The following ZCCHC17 variants were observed in gnomAD, a reference collection of about 807,000 sequenced individuals.
The protein encoded by ZCCHC17 is zinc finger CCHC-type containing 17.
ZCCHC17 carries 18 observed loss-of-function variants against 30.6 expected under a neutral mutation model. The ratio of observed to expected loss-of-function variants is 0.59; its 90% CI spans 0.41 to 0.87. ZCCHC17 has a LOEUF of 0.87. Ranked by LOEUF, ZCCHC17 falls within the 40% of genes least tolerant of loss-of-function variation. The pLI is 0.00. For synonymous variants in ZCCHC17, 88 were observed against 92.4 expected (o/e 0.95, Z 0.27); for missense variants, 263 against 284.2 (o/e 0.93, Z 0.54).
Position 31,338,996 on chromosome 1 carries a change from G to A in ZCCHC17, c.265G>A (p.Val89Ile), listed in dbSNP as rs144515936. The A allele has an allele frequency of 2.5e-6, 4 of 1,612,712 alleles. No individual in the cohort carries two copies. The highest frequency in any genetic ancestry group is 3.4e-6 in the Non-Finnish European group (4 of 1,179,688). The change falls in exon 5 of 8, where the codon GTT (valine) becomes ATT (isoleucine). Residue 89 changes from valine (V) to isoleucine (I), a missense_variant. Val to Ile is a conservative substitution (Grantham distance 29, BLOSUM62 3). Coordinates refer to ENST00000344147, the MANE Select transcript of ZCCHC17 (RefSeq NM_016505.4). ...DRIKVSLSMK[V>I]VNQGTGKDLD... ...AATAAAAGTATCCCTCTCCATGAAG[G>A]TTGTCAATCAAGGGACTGGGAAAGA... is the stretch of plus-strand genomic sequence containing the variant.
chr1:31,304,386 T>C (rs565266792), intron 1 of ZCCHC17, among the ~76,000 whole-genome samples: 1 of 151,802 alleles, frequency 6.6e-6, no homozygotes, highest in Non-Finnish European at 1.5e-5. Flanking sequence ...CATGTTCAAG[T>C]GGTTCTCCTG....
intron 5 of ZCCHC17, among the ~76,000 whole-genome samples, chr1:31,342,291 G>A (rs999492769): frequency 1.3e-5 from 2 of 151,992 alleles, no homozygotes; most frequent in African/African-American, 2.4e-5. Context: ...GTGATCCCCC[G>A]CCTCAGCCTC....
intron 7 of ZCCHC17, among the ~76,000 whole-genome samples, chr1:31,353,433 A>G (rs554723093): frequency 6.6e-6 from 1 of 152,344 alleles, no homozygotes; most frequent in East Asian, 1.9e-4. Flanking sequence ...TTAAGTGTAC[A>G]GTTCAGTAAT....
intron 6 of ZCCHC17, among the ~76,000 whole-genome samples, chr1:31,347,493 A>C (rs1190599147): frequency 6.6e-6 from 1 of 152,316 alleles, no homozygotes; most frequent in African/African-American, 2.4e-5. Context: ...GGAAAAAATA[A>C]AATTGAGAGA....
Position 31,344,862 on chromosome 1 carries a change from G to GTTGTTTGT in ZCCHC17, c.318-1771_318-1764dup, listed in dbSNP as rs71278777. On this transcript the variant is annotated intron_variant, in intron 5 of 7. Coordinates refer to ENST00000344147, the MANE Select transcript of ZCCHC17 (RefSeq NM_016505.4). ...CTGCCTTTGTTATGGGTTTTTTTTT[G>GTTGTTTGT]TTGTTTGTTTGTTTTGGAGACAGGG... 3.7e-4 allele frequency among the ~76,000 whole-genome samples: 56 copies of GTTGTTTGT among 150,600 alleles called. 1 individual carries two copies. The highest frequency in any genetic ancestry group is 1.0e-3 in the African/African-American group (42 of 41,004).
At chr1:31,334,843 T>C (rs1638750408) in intron 3 of ZCCHC17, among the ~76,000 whole-genome samples, 1 of 152,244 alleles carries the variant, frequency 6.6e-6, no homozygotes. Context: ...CCTTTGTTGT[T>C]TCTAAATTTT....
intron 5 of ZCCHC17, among the ~76,000 whole-genome samples, chr1:31,344,319 A>G (rs1639161593): frequency 6.6e-6 from 1 of 152,170 alleles, no homozygotes; most frequent in Admixed American, 6.5e-5. Flanking sequence ...GAAAAAGCAC[A>G]TATGACTTAA....
chr1:31,318,021 G>T, intron 2 of ZCCHC17: 1 of 558,032 alleles, frequency 1.8e-6, no homozygotes, highest in Non-Finnish European at 2.9e-6. Flanking sequence ...TCATCTATTG[G>T]ATGGGAATAA....
chr1:31,320,382 A>G (rs1646833350), intron 3 of ZCCHC17, among the ~76,000 whole-genome samples: 1 of 152,206 alleles, frequency 6.6e-6, no homozygotes, highest in Non-Finnish European at 1.5e-5. Flanking sequence ...TTTCTTTGGT[A>G]TATTCAGAGT....
At chr1:31,344,865 G>GTTTGTTTGTTTGTTTA (rs982723230) in intron 5 of ZCCHC17, among the ~76,000 whole-genome samples, 2 of 151,686 alleles carry the variant, frequency 1.3e-5, no homozygotes, top group African/African-American at 4.8e-5. Context: ...TTTTTTTGTT[G>GTTTGTTTGTTTGTTTA]TTTGTTTGTT....
intron 3 of ZCCHC17, among the ~76,000 whole-genome samples, chr1:31,326,002 A>G (rs1190002753): frequency 6.6e-6 from 1 of 152,180 alleles, no homozygotes; most frequent in African/African-American, 2.4e-5. Flanking sequence ...TAAAAAAAAA[A>G]AAAAAGAAAA....
At position 31,310,041 on chromosome 1, in the gene ZCCHC17, C is replaced by T; in HGVS notation, c.-55-3C>T. On this transcript the variant is annotated splice_polypyrimidine_tract_variant and splice_region_variant and intron_variant, in intron 1 of 7. Coordinates refer to ENST00000344147, the MANE Select transcript of ZCCHC17 (RefSeq NM_016505.4). The stretch of plus-strand genomic sequence containing the variant: ...TAATTGGTGTCTGATTTCTTTATGA[C>T]AGGACACTTGTATTAGCTTTAATAG... 6.4e-7 allele frequency: 1 copy of T among 1,555,190 alleles called. No homozygotes were observed. The highest frequency in any genetic ancestry group is 1.1e-5 in the South Asian group (1 of 87,732).
At chr1:31,337,705 CA>C (rs766008350) in intron 4 of ZCCHC17, among the ~76,000 whole-genome samples, 6 of 152,044 alleles carry the variant, frequency 3.9e-5, no homozygotes, top group Non-Finnish European at 8.8e-5. Context: ...TGGCACCATG[CA>C]ATGTGCAGAA....
chr1:31,346,593 G>T (rs768093531), intron 5 of ZCCHC17, 47 bp from the exon 6 acceptor site: 1 of 1,549,902 alleles, frequency 6.5e-7, no homozygotes, highest in Non-Finnish European at 8.8e-7. Flanking sequence ...AGTATCTCTG[G>T]CCATATCTCT....
At chr1:31,327,839 G>C (rs1158531904) in intron 3 of ZCCHC17, among the ~76,000 whole-genome samples, 2 of 152,174 alleles carry the variant, frequency 1.3e-5, no homozygotes, top group Non-Finnish European at 2.9e-5. Context: ...CCCTAGAGGG[G>C]GGACTGAGGA....
rs762008693 is a variant in ZCCHC17 at position 31,310,119 on chromosome 1, G to C, written c.21G>C (p.Glu7Asp). The change falls in exon 2 of 8, where the codon GAG (glutamate) becomes GAC (aspartate). Residue 7 changes from glutamate to aspartate, a missense_variant. Glu to Asp is a conservative substitution (Grantham distance 45). Coordinates refer to ENST00000344147, the MANE Select transcript of ZCCHC17 (RefSeq NM_016505.4). ...TAAGGATGAATTCAGGAAGGCCTGA[G>C]ACCATGGAAAACTTGCCTGCTCTCT... Reference protein sequence around the residue: MNSGRPETMENLPALYT... With the variant: MNSGRPDTMENLPALYT... 1.2e-6 allele frequency: 2 copies of C among 1,614,104 alleles called. No homozygotes were observed. The highest frequency in any genetic ancestry group is 1.6e-4 in the Middle Eastern group (1 of 6,062).
At chr1:31,345,403 G>C (rs532557480) in intron 5 of ZCCHC17, among the ~76,000 whole-genome samples, 16 of 150,650 alleles carry the variant, frequency 1.1e-4, no homozygotes, top group African/African-American at 3.9e-4. Context: ...TGATCCACCC[G>C]CCTTGGCCTC....
intron 3 of ZCCHC17, among the ~76,000 whole-genome samples, chr1:31,329,490 C>T (rs1167831458): frequency 1.3e-5 from 2 of 152,130 alleles, no homozygotes; most frequent in African/African-American, 4.8e-5. Context: ...TTCAGTTTAG[C>T]AAATAATTAT....
At chr1:31,334,444 A>G (rs1311917878) in intron 3 of ZCCHC17, among the ~76,000 whole-genome samples, 1 of 151,216 alleles carries the variant, frequency 6.6e-6, no homozygotes, top group African/African-American at 2.4e-5. Flanking sequence ...AAGCAACTTC[A>G]GGGAGGGCAG....
Sources: allele counts gnomAD v4.1 joint callset (sites outside exome capture counted in the v4.1 genomes callset), GRCh38; gene constraint gnomAD v4.1.1; transcripts MANE v1.5; gene names NCBI Gene and HGNC (gene_info 2026-07-23, HGNC 2026-07-21).